PTPRA: variants seen among roughly 807,000 people sequenced by gnomAD.
PTPRA encodes the protein receptor-type tyrosine-protein phosphatase alpha.
Under a neutral mutation model 104.8 loss-of-function variants are expected in PTPRA, and 25 were observed. That is an observed-to-expected ratio of 0.24 (90% confidence interval 0.17 to 0.33). The LOEUF is 0.33. PTPRA is among the 10% of genes least tolerant of loss of function. The pLI, the probability that PTPRA is intolerant of heterozygous loss-of-function variation, is 1.00. For synonymous variants in PTPRA, 323 were observed against 368.9 expected (o/e 0.88, Z 1.43); for missense variants, 765 against 1,015.3 (o/e 0.75, Z 3.35).
intron 9 of PTPRA, 150 bp from the exon 10 acceptor site, chr20:3,004,906 C>T (rs868642563): frequency 1.3e-5 from 9 of 679,526 alleles, no homozygotes; most frequent in Middle Eastern, 2.5e-4. Context: ...GGAGCATTCT[C>T]TGTGTTAGGC....
intron 20 of PTPRA, among the ~76,000 whole-genome samples, chr20:3,034,707 G>T (rs577097404): frequency 6.6e-6 from 1 of 152,080 alleles, no homozygotes; most frequent in Non-Finnish European, 1.5e-5. Context: ...TATTTGGACT[G>T]TGAGACTATT....
At chr20:2,917,507 C>T (rs142772058) in intron 1 of PTPRA, among the ~76,000 whole-genome samples, 13 of 152,318 alleles carry the variant, frequency 8.5e-5, no homozygotes, top group Non-Finnish European at 1.3e-4. Flanking sequence ...TCAGCTCACA[C>T]TTCCAGCCTT....
At chr20:2,955,596 T>C in intron 3 of PTPRA, 1 of 978,332 alleles carries the variant, frequency 1.0e-6, no homozygotes, top group Non-Finnish European at 1.2e-6. Flanking sequence ...AAAGTTGATA[T>C]CTGGTGTTCT....
intron 16 of PTPRA, among the ~76,000 whole-genome samples, chr20:3,024,178 C>T (rs1403214691): frequency 6.6e-6 from 1 of 152,156 alleles, no homozygotes; most frequent in East Asian, 1.9e-4. Flanking sequence ...ACAGCCCCTT[C>T]AGACTATTAA....
rs2062970752 is a variant in PTPRA at position 2,987,819 on chromosome 20, T to G, written c.528-213T>G. 4.5e-5 allele frequency: 30 copies of G among 673,810 alleles called. 1 individual carries two copies. Among genetic ancestry groups the G allele is most frequent in the South Asian group, 4.1e-4 (28 of 67,522 alleles). 41.7% of individuals were successfully genotyped at this position (673,810 alleles called of 1,614,324 possible). On this transcript the variant is annotated intron_variant, in intron 7 of 23. Coordinates refer to ENST00000399903, the MANE Select transcript of PTPRA (RefSeq NM_001385305.1). The stretch of plus-strand genomic sequence containing the variant: ...ATACTGTTGGGGTTCCCTGGTTGGA[T>G]TCCAGTGTGCCAAGGGTAAACAGGA...
At chr20:2,908,576 A>T (rs372718078) in intron 1 of PTPRA, among the ~76,000 whole-genome samples, 1 of 152,102 alleles carries the variant, frequency 6.6e-6, no homozygotes. Context: ...AAAATAATGC[A>T]TACCCTCCAC....
chr20:3,033,622 C>T (rs1446180408), intron 20 of PTPRA, among the ~76,000 whole-genome samples: 1 of 152,090 alleles, frequency 6.6e-6, no homozygotes, highest in African/African-American at 2.4e-5. Context: ...CTGTTTGAGG[C>T]CAGGTGCGGC....
At chr20:2,969,095 C>T (rs1254608633) in intron 5 of PTPRA, among the ~76,000 whole-genome samples, 1 of 151,764 alleles carries the variant, frequency 6.6e-6, no homozygotes, top group East Asian at 1.9e-4. Flanking sequence ...ACTTGTAATC[C>T]CAGCTACTTG....
In PTPRA at chr20:3,038,205, C is replaced by A; in HGVS notation, c.*72C>A. On this transcript the variant is annotated 3_prime_UTR_variant, in exon 24 of 24. Transcript: ENST00000399903. ...GTAATATTCTGTTTTGTTAATATAC[C>A]CCAAATTGTGTATATATCTTATAAC... 2 of 1,395,000 alleles carry A rather than the reference C, an allele frequency of 1.4e-6. No individual in the cohort carries two copies. The highest frequency in any genetic ancestry group is 2.3e-5 in the East Asian group (1 of 43,592). The allele number at this position is 1,395,000 out of a possible 1,614,324, so 86.4% of individuals were successfully genotyped here. A position where few individuals can be genotyped will look rare whatever the true frequency, so the allele number is the denominator to read the frequency against.
At chr20:2,929,404 A>G (rs1022652279) in intron 2 of PTPRA, among the ~76,000 whole-genome samples, 1 of 152,168 alleles carries the variant, frequency 6.6e-6, no homozygotes, top group Non-Finnish European at 1.5e-5. Flanking sequence ...GTGTGTTCAC[A>G]CATTCCTTTT....
At chr20:2,911,555 A>C (rs2059722738) in intron 1 of PTPRA, among the ~76,000 whole-genome samples, 2 of 152,172 alleles carry the variant, frequency 1.3e-5, no homozygotes, top group African/African-American at 4.8e-5. Flanking sequence ...TTATATAATA[A>C]ATAGGTTTAT....
intron 1 of PTPRA, among the ~76,000 whole-genome samples, chr20:2,893,352 A>C (rs1465264499): frequency 2.0e-5 from 3 of 152,210 alleles, no homozygotes; most frequent in Non-Finnish European, 1.5e-5. Context: ...AAGTATAATC[A>C]ACTACATGAC....
chr20:3,038,532 A>C lies in PTPRA; in HGVS notation c.*399A>C. 4.4e-6 allele frequency: 1 copy of C among 224,756 alleles called. No homozygotes were observed. 13.9% of individuals were successfully genotyped at this position (224,756 alleles called of 1,614,324 possible). A position where few individuals can be genotyped will look rare whatever the true frequency, so the allele number is the denominator to read the frequency against. ...AGTGGTTGTCCCCGTACCACCATGC[A>C]CTGTAAATATCCCTCCCCTCTCTCC... On this transcript the variant is annotated 3_prime_UTR_variant, in exon 24 of 24. Transcript: ENST00000399903.
intron 19 of PTPRA, 55 bp from the exon 20 acceptor site, chr20:3,027,652 C>G: frequency 6.3e-7 from 1 of 1,589,852 alleles, no homozygotes; most frequent in African/African-American, 1.3e-5. Context: ...GTCTTCTCCA[C>G]TAGTCCCTCT....
intron 2 of PTPRA, among the ~76,000 whole-genome samples, chr20:2,940,304 C>T (rs1409056576): frequency 6.6e-6 from 1 of 151,050 alleles, no homozygotes; most frequent in Non-Finnish European, 1.5e-5. Flanking sequence ...ATAATTATAT[C>T]TTGTTTTCTT....
At chr20:2,971,945 C>T (rs1444170512) in intron 5 of PTPRA, among the ~76,000 whole-genome samples, 2 of 152,090 alleles carry the variant, frequency 1.3e-5, no homozygotes, top group Non-Finnish European at 2.9e-5. Context: ...AGTGATTCCC[C>T]TGCCTCAGCC....
At chr20:2,917,806 A>G (rs2059958246) in intron 1 of PTPRA, among the ~76,000 whole-genome samples, 1 of 152,060 alleles carries the variant, frequency 6.6e-6, no homozygotes, top group South Asian at 2.1e-4. Flanking sequence ...CTATCTCAAA[A>G]AAAAAAGTAA....
intron 13 of PTPRA, among the ~76,000 whole-genome samples, chr20:3,018,248 A>C (rs1167901582): frequency 6.6e-6 from 1 of 151,606 alleles, no homozygotes; most frequent in African/African-American, 2.4e-5. Context: ...TTTTTTATTG[A>C]TCATTCTTGG....
intron 2 of PTPRA, among the ~76,000 whole-genome samples, chr20:2,940,287 T>C (rs1273761727): frequency 2.0e-5 from 3 of 152,030 alleles, no homozygotes; most frequent in African/African-American, 7.2e-5. Context: ...TAAGGGGTTT[T>C]CCCCCAATAA....
Sources: allele counts gnomAD v4.1 joint callset (sites outside exome capture counted in the v4.1 genomes callset), GRCh38; gene constraint gnomAD v4.1.1; transcripts MANE v1.5; gene names NCBI Gene and HGNC (gene_info 2026-07-23, HGNC 2026-07-21).